Variants in FGGY observed in about 807,000 individuals in gnomAD.
FGGY encodes FGGY carbohydrate kinase domain containing.
FGGY carries 72 observed loss-of-function variants against 71.3 expected under a neutral mutation model. The observed-to-expected ratio is 1.01, with a 90% CI of 0.84 to 1.23. FGGY has a LOEUF of 1.23. Among genes scored for constraint, FGGY ranks in the 50% most tolerant of loss-of-function variants. FGGY has a pLI of 0.00. For missense variants in FGGY, 668 were observed against 682.3 expected (o/e 0.98, Z 0.23); for synonymous variants, 251 against 250.3 (o/e 1.00, Z -0.02).
chr1:59,466,746 C>G (rs1296759009), intron 6 of FGGY, among the ~76,000 whole-genome samples: 2 of 152,198 alleles, frequency 1.3e-5, no homozygotes, highest in Non-Finnish European at 2.9e-5. Context: ...CCAACAGACA[C>G]ATGAAAACAT....
chr1:59,503,618 T>TATATATATATATATAA (rs1491270217), intron 6 of FGGY, among the ~76,000 whole-genome samples: 119 of 143,696 alleles, frequency 8.3e-4, no homozygotes, highest in African/African-American at 2.7e-3. Flanking sequence ...TATATATATA[T>TATATATATATATATAA]AAAATATGTA....
Position 59,360,127 on chromosome 1 carries a change from G to GTTATTATTATTATTATTATTA in FGGY, c.465+13738_465+13758dup, listed in dbSNP as rs200166794. The stretch of plus-strand genomic sequence containing the variant: ...ATAAGAACTTTATTTTTCTATCATT[G>GTTATTATTATTATTATTATTA]TTATTATTATTATTATTATTATTAT... On this transcript the variant is annotated intron_variant, in intron 4 of 15. Coordinates refer to ENST00000303721, the MANE Select transcript of FGGY (RefSeq NM_018291.5). Among the ~76,000 whole-genome samples, 429 of 145,704 alleles carry GTTATTATTATTATTATTATTA rather than the reference G, an allele frequency of 2.9e-3. 2 individuals carry two copies. The highest frequency in any genetic ancestry group is 7.1e-3 in the East Asian group (36 of 5,044).
At chr1:59,300,944 T>C (rs2042657191) in intron 1 of FGGY, among the ~76,000 whole-genome samples, 1 of 152,224 alleles carries the variant, frequency 6.6e-6, no homozygotes, top group South Asian at 2.1e-4. Context: ...AAATTTGTTT[T>C]GATTATTCTA....
intron 7 of FGGY, among the ~76,000 whole-genome samples, chr1:59,533,086 C>A (rs981457872): frequency 1.3e-5 from 2 of 152,186 alleles, no homozygotes; most frequent in African/African-American, 4.8e-5. Context: ...GCATTTCCGT[C>A]TGAGGTACGG....
chr1:59,606,839 T>A (rs55708148), intron 8 of FGGY, among the ~76,000 whole-genome samples: 1 of 152,082 alleles, frequency 6.6e-6, no homozygotes, highest in African/African-American at 2.4e-5. Flanking sequence ...CCACAATATT[T>A]TGTATTTTGT....
intron 4 of FGGY, among the ~76,000 whole-genome samples, chr1:59,347,487 C>T (rs1387479085): frequency 6.6e-6 from 1 of 152,058 alleles, no homozygotes; most frequent in African/African-American, 2.4e-5. Flanking sequence ...TTTTCTTAAT[C>T]CAGTCTATCA....
At chr1:59,494,918 A>C (rs1044245428) in intron 6 of FGGY, among the ~76,000 whole-genome samples, 3 of 152,170 alleles carry the variant, frequency 2.0e-5, no homozygotes, top group African/African-American at 7.2e-5. Flanking sequence ...GTTCTTTGAG[A>C]AATCACCAAA....
At chr1:59,724,871 G>A (rs757214744) in intron 14 of FGGY, among the ~76,000 whole-genome samples, 1 of 152,122 alleles carries the variant, frequency 6.6e-6, no homozygotes, top group Non-Finnish European at 1.5e-5. Flanking sequence ...TGTATATTCA[G>A]ATACAAGTTT....
chr1:59,575,500 G>A (rs1032961819), intron 8 of FGGY, among the ~76,000 whole-genome samples: 1 of 152,118 alleles, frequency 6.6e-6, no homozygotes, highest in Non-Finnish European at 1.5e-5. Flanking sequence ...TTCTTGATCT[G>A]TTGATGGACA....
At chr1:59,741,155 G>A (rs1019880748) in intron 14 of FGGY, among the ~76,000 whole-genome samples, 1 of 152,138 alleles carries the variant, frequency 6.6e-6, no homozygotes, top group African/African-American at 2.4e-5. Context: ...CCCTGGCTGG[G>A]CACAGTGGCT....
chr1:59,466,989 A>C (rs143462231), intron 6 of FGGY, among the ~76,000 whole-genome samples: 1 of 152,116 alleles, frequency 6.6e-6, no homozygotes, highest in Non-Finnish European at 1.5e-5. Context: ...TGACCCAGCG[A>C]TTCCATTACT....
At chr1:59,585,946 A>G (rs1261596471) in intron 8 of FGGY, among the ~76,000 whole-genome samples, 1 of 152,232 alleles carries the variant, frequency 6.6e-6, no homozygotes, top group Admixed American at 6.5e-5. Flanking sequence ...GAAAAATGCA[A>G]ATCAAAACCA....
chr1:59,478,827 G>A (rs2093364555), intron 6 of FGGY, among the ~76,000 whole-genome samples: 1 of 152,202 alleles, frequency 6.6e-6, no homozygotes, highest in Non-Finnish European at 1.5e-5. Flanking sequence ...CTGCAAAGGA[G>A]GCTAAGGATG....
chr1:59,698,790 A>G, intron 14 of FGGY: 1 of 985,444 alleles, frequency 1.0e-6, no homozygotes, highest in Non-Finnish European at 1.2e-6. Flanking sequence ...AGCGCAGCGC[A>G]TACATTGAGT....
intron 6 of FGGY, among the ~76,000 whole-genome samples, chr1:59,463,950 G>T (rs1467166308): frequency 6.6e-6 from 1 of 152,128 alleles, no homozygotes; most frequent in Non-Finnish European, 1.5e-5. Flanking sequence ...ATATTCCACA[G>T]ATCAACAAGA....
chr1:59,747,093 G>A (rs2098204863), intron 14 of FGGY, among the ~76,000 whole-genome samples: 1 of 152,102 alleles, frequency 6.6e-6, no homozygotes, highest in Admixed American at 6.6e-5. Context: ...TACCTTCTCA[G>A]CCTCACATAT....
chr1:59,430,039 C>T (rs538258425), intron 5 of FGGY, among the ~76,000 whole-genome samples: 2 of 152,292 alleles, frequency 1.3e-5, no homozygotes, highest in African/African-American at 2.4e-5. Flanking sequence ...CTTCCTGCCC[C>T]CTCCTCACAC....
At chr1:59,762,194 A>C (rs543528202) in intron 15 of FGGY, among the ~76,000 whole-genome samples, 2 of 151,988 alleles carry the variant, frequency 1.3e-5, no homozygotes, top group East Asian at 3.9e-4. Flanking sequence ...GGTTCAAGCA[A>C]TTCTCCTGCC....
At position 59,673,294 on chromosome 1, in the gene FGGY, G is replaced by A. The variant is rs559142359; in HGVS notation, c.1418-745G>A. ...AGCTCAGTAGGAAGGTGATGTTTGC[G>A]GAAACACTTGAAGGATGGGCCGGCA... On this transcript the variant is annotated intron_variant, in intron 13 of 15. Coordinates refer to ENST00000303721, the MANE Select transcript of FGGY (RefSeq NM_018291.5). Among the ~76,000 whole-genome samples the A allele has an allele frequency of 5.9e-5, 9 of 152,230 alleles. No individual in the cohort carries two copies. The South Asian group carries it at 8.3e-4, about 14-fold the overall frequency.
Sources: allele counts gnomAD v4.1 joint callset (sites outside exome capture counted in the v4.1 genomes callset), GRCh38; gene constraint gnomAD v4.1.1; transcripts MANE v1.5; gene names NCBI Gene and HGNC (gene_info 2026-07-23, HGNC 2026-07-21).